UACA: variants seen among roughly 807,000 people sequenced by gnomAD.
UACA encodes nuclear membrane binding protein.
A neutral mutation model predicts 160.5 loss-of-function variants in UACA; 112 were observed. That is an observed-to-expected ratio of 0.70 (90% confidence interval 0.60 to 0.82). The LOEUF (loss-of-function observed/expected upper bound fraction) is 0.82. Among genes scored for constraint, UACA ranks in the 40% least tolerant of loss-of-function variants. UACA has a pLI of 0.00. For missense variants in UACA, 1,574 were observed against 1,614.6 expected, an observed-to-expected ratio of 0.97 and a Z score of 0.43; for synonymous variants, 557 against 568.4, an observed-to-expected ratio of 0.98 and a Z score of 0.29.
chr15:70,674,099 C>T (rs57242739), intron 13 of UACA, among the ~76,000 whole-genome samples: 4,690 of 152,170 alleles, frequency 0.031, 224 homozygotes, highest in African/African-American at 0.11. Flanking sequence ...TGAGCTCAAG[C>T]GATCCAATTG....
At chr15:70,702,345 T>C in intron 1 of UACA, 1 of 987,344 alleles carries the variant, frequency 1.0e-6, no homozygotes, top group South Asian at 4.7e-5. Context: ...GTAAACAGCG[T>C]GGAGCCTGTC....
chr15:70,684,600 G>A (rs1897641726), intron 7 of UACA, among the ~76,000 whole-genome samples, 154 bp from the exon 8 acceptor site: 3 of 151,888 alleles, frequency 2.0e-5, no homozygotes, highest in Admixed American at 2.0e-4. Context: ...TGACTATAAT[G>A]TAAGTAAGCA....
rs1047894097 is a variant in UACA, at chr15:70,656,831, T to C, written c.*225A>G. On this transcript the variant is annotated 3_prime_UTR_variant, in exon 19 of 19. Transcript: ENST00000322954. ...GTAGTCAATCCAGGGCAAAGTTATG[T>C]TGTTTGCCTATTTGTAAAATTAACA... is the stretch of plus-strand genomic sequence containing the variant. The C allele has an allele frequency of 1.0e-4, 44 of 424,242 alleles. No individual in the cohort carries two copies. Among genetic ancestry groups the C allele is most frequent in the Middle Eastern group, 5.7e-4 (1 of 1,748 alleles). 26.3% of individuals were successfully genotyped at this position (424,242 alleles called of 1,614,324 possible). A position where few individuals can be genotyped will look rare whatever the true frequency, so the allele number is the denominator to read the frequency against.
In UACA at chr15:70,690,498, G is replaced by A. The variant is rs373663999; in HGVS notation, c.380C>T (p.Thr127Ile). Reference protein sequence around the residue: ...LQKLLQYNCPTEHADLQGRTA... With the variant: ...LQKLLQYNCPIEHADLQGRTA... ...TCTTCCCTGCAGGTCTGCATGCTCA[G>A]TGGGACAATTGTACTGTTAAAGTAA... The change falls in exon 5 of 19, where the codon ACT becomes ATT. Residue 127 changes from threonine (T) to isoleucine (I), a missense_variant. Thr to Ile is a moderately conservative substitution (Grantham distance 89). Coordinates refer to ENST00000322954, the MANE Select transcript of UACA (RefSeq NM_018003.4). The A allele has an allele frequency of 2.5e-6, 4 of 1,612,742 alleles. No individual in the cohort carries two copies. The African/African-American group carries it at 4.0e-5, about 16-fold the overall frequency.
At chr15:70,665,636 C>T (rs548623701) in intron 16 of UACA, among the ~76,000 whole-genome samples, 1 of 152,156 alleles carries the variant, frequency 6.6e-6, no homozygotes, top group Non-Finnish European at 1.5e-5. Flanking sequence ...AAATGAAATG[C>T]AATTACATGC....
Position 70,667,201 on chromosome 15 carries a change from G to C in UACA, c.3483C>G (p.Asn1161Lys), listed in dbSNP as rs767439854. 1.2e-6 allele frequency: 2 copies of C among 1,613,844 alleles called. No individual in the cohort carries two copies. Among genetic ancestry groups the C allele is most frequent in the Non-Finnish European group, 8.5e-7 (1 of 1,179,952 alleles). The change falls in exon 16 of 19, where the codon AAC becomes AAG. Residue 1161 changes from asparagine to lysine, a missense_variant. Asn to Lys is a moderately conservative substitution (Grantham distance 94). Transcript: ENST00000322954. ...AATGCTCTGCCAGGGGTACAGAAGAGTTCTTTTGATTCTCCAACAATTGAT... is the reference window on the plus strand; with the variant it reads ...AATGCTCTGCCAGGGGTACAGAAGACTTCTTTTGATTCTCCAACAATTGAT... ...KLHQLLENQK[N>K]SSVPLAEHLQ... is the part of the protein sequence containing the mutation.
chr15:70,773,117 G>A, the UACA span, among the ~76,000 whole-genome samples: 1 of 149,872 alleles, frequency 6.7e-6, no homozygotes, highest in Non-Finnish European at 1.5e-5. Flanking sequence ...AGACTGAGAG[G>A]AAATGGCTAG....
chr15:70,687,528 T>TA lies in UACA; in HGVS notation c.602+11dup. The TA allele has an allele frequency of 6.2e-7, 1 of 1,612,844 alleles. No individual in the cohort carries two copies. Among genetic ancestry groups the TA allele is most frequent in the Non-Finnish European group, 8.5e-7 (1 of 1,178,948 alleles). On this transcript the variant is annotated intron_variant, in intron 7 of 18. Coordinates refer to ENST00000322954, the MANE Select transcript of UACA (RefSeq NM_018003.4). ...TCCAGCTGGTATCTGGGAGCCATGA[T>TA]AAAAGAATTACCTGTTTTGTTTGTC...
chr15:70,694,527 G>A, intron 3 of UACA, among the ~76,000 whole-genome samples: 1 of 152,120 alleles, frequency 6.6e-6, no homozygotes, highest in East Asian at 1.9e-4. Flanking sequence ...TAACAGCTCA[G>A]GGCCTCAGAA....
At chr15:70,673,467 C>T (rs964441602) in intron 13 of UACA, among the ~76,000 whole-genome samples, 12 of 152,100 alleles carry the variant, frequency 7.9e-5, no homozygotes, top group Admixed American at 2.0e-4. Flanking sequence ...ATCATTAGTG[C>T]CCCCACAGTA....
upstream of UACA, among the ~76,000 whole-genome samples, chr15:70,767,724 ACTT>A (rs900703690): frequency 6.6e-6 from 1 of 152,204 alleles, no homozygotes; most frequent in Non-Finnish European, 1.5e-5. Flanking sequence ...CATTTTCAGA[ACTT>A]CTTGCTGCTC....
intron 14 of UACA, 104 bp from the exon 15 acceptor site, chr15:70,671,195 G>T: frequency 1.2e-6 from 1 of 807,664 alleles, no homozygotes; most frequent in Non-Finnish European, 2.0e-6. Flanking sequence ...TAAAAGAGAA[G>T]CAAGAGGTAC....
chr15:70,673,141 G>C (rs1157546679), intron 13 of UACA, among the ~76,000 whole-genome samples: 1 of 151,832 alleles, frequency 6.6e-6, no homozygotes, highest in Non-Finnish European at 1.5e-5. Flanking sequence ...AAAAACATTA[G>C]CTGGGCAGGG....
At chr15:70,726,669 G>A (rs555926959) in intron 1 of UACA, among the ~76,000 whole-genome samples, 1 of 152,244 alleles carries the variant, frequency 6.6e-6, no homozygotes, top group South Asian at 2.1e-4. Flanking sequence ...ACAGCTATGG[G>A]ATGTGGTATT....
chr15:70,664,511 C>T, intron 17 of UACA, 151 bp downstream of exon 17: 1 of 840,434 alleles, frequency 1.2e-6, no homozygotes, highest in South Asian at 2.7e-5. Context: ...TATTACACCA[C>T]CAGTATAGGT....
intron 1 of UACA, among the ~76,000 whole-genome samples, chr15:70,736,097 G>A (rs941633426): frequency 6.6e-6 from 1 of 152,172 alleles, no homozygotes; most frequent in African/African-American, 2.4e-5. Flanking sequence ...ATATTATACT[G>A]ATAGATGTCT....
intron 1 of UACA, among the ~76,000 whole-genome samples, chr15:70,752,008 G>A (rs577649715): frequency 5.7e-4 from 86 of 151,994 alleles, no homozygotes; most frequent in Non-Finnish European, 1.2e-3. Context: ...AGGCCGAGGC[G>A]GGCAGATCAC....
chr15:70,754,208 A>G lies in UACA; in HGVS notation c.78+9122T>C, dbSNP rs548526018. ...TGCGCTCTCTCAAGGATACCTGGCC[A>G]GGTCCCATTCAATTACAGACAGTCC... On this transcript the variant is annotated intron_variant, in intron 1 of 18. Transcript: ENST00000322954. 6.8e-4 allele frequency: 308 copies of G among 455,046 alleles called. 1 individual carries two copies. The highest frequency in any genetic ancestry group is 4.7e-3 in the South Asian group (301 of 64,356). The allele number at this position is 455,046 out of a possible 1,614,324, so 28.2% of individuals were successfully genotyped here.
chr15:70,755,605 G>A (rs553777631), intron 1 of UACA, among the ~76,000 whole-genome samples: 2 of 151,898 alleles, frequency 1.3e-5, no homozygotes, highest in Non-Finnish European at 2.9e-5. Context: ...GAGAGGCAGA[G>A]GTTGCAGTGG....
Sources: allele counts gnomAD v4.1 joint callset (sites outside exome capture counted in the v4.1 genomes callset), GRCh38; gene constraint gnomAD v4.1.1; transcripts MANE v1.5; gene names NCBI Gene and HGNC (gene_info 2026-07-23, HGNC 2026-07-21).